NALF1: variants seen among roughly 807,000 people sequenced by gnomAD.
NALF1 encodes the protein NALCN channel auxiliary factor 1, also known as family with sequence similarity 155 member A.
A neutral mutation model predicts 48.4 loss-of-function variants in NALF1; 3 were observed. The ratio of observed to expected loss-of-function variants is 0.06; its 90% CI spans 0.03 to 0.16. The LOEUF (loss-of-function observed/expected upper bound fraction) is 0.16. Ranked by LOEUF, NALF1 falls within the 10% of genes least tolerant of loss-of-function variation. The pLI is 1.00. For synonymous variants in NALF1, 262 were observed against 245.7 expected, an observed-to-expected ratio of 1.07 and a Z score of -0.62; for missense variants, 526 against 571.5, an observed-to-expected ratio of 0.92 and a Z score of 0.81.
At chr13:107,213,927 G>A (rs766454336) in intron 1 of NALF1, among the ~76,000 whole-genome samples, 11 of 152,026 alleles carry the variant, frequency 7.2e-5, no homozygotes, top group Non-Finnish European at 1.6e-4. Flanking sequence ...TGCCAATGAC[G>A]ATGGATTTAA....
In NALF1 at chr13:107,337,205, T is replaced by A. The variant is rs184399780; in HGVS notation, c.916-126450A>T. 2.7e-3 allele frequency among the ~76,000 whole-genome samples: 418 copies of A among 152,092 alleles called. 2 individuals carry two copies. The highest frequency in any genetic ancestry group is 6.8e-3 in the Middle Eastern group (2 of 294). On this transcript the variant is annotated intron_variant, in intron 1 of 2. Coordinates refer to ENST00000375915, the MANE Select transcript of NALF1 (RefSeq NM_001080396.3). The stretch of plus-strand genomic sequence containing the variant: ...AGCCTATAACTGGTTTTTAAAAAGG[T>A]CTGATATTGATTTCCAGTGCTCAGA...
At chr13:107,314,430 T>C (rs548324065) in intron 1 of NALF1, among the ~76,000 whole-genome samples, 1 of 152,090 alleles carries the variant, frequency 6.6e-6, no homozygotes, top group African/African-American at 2.4e-5. Flanking sequence ...CCACTGTCTA[T>C]ACTCCCTGTT....
chr13:107,549,846 T>G (rs1877239716), intron 1 of NALF1, among the ~76,000 whole-genome samples: 1 of 146,526 alleles, frequency 6.8e-6, no homozygotes, highest in African/African-American at 2.6e-5. Flanking sequence ...CAACTTTTCA[T>G]TTTTTTTTTT....
intron 1 of NALF1, among the ~76,000 whole-genome samples, chr13:107,470,101 ATATT>A (rs1347859321): frequency 2.0e-5 from 3 of 152,150 alleles, no homozygotes; most frequent in African/African-American, 4.8e-5. Context: ...TAATAAATCA[ATATT>A]TATAATTGAA....
intron 1 of NALF1, among the ~76,000 whole-genome samples, chr13:107,621,572 T>C (rs1221124445): frequency 6.6e-6 from 1 of 152,222 alleles, no homozygotes; most frequent in Non-Finnish European, 1.5e-5. Context: ...AGCTTTCAAA[T>C]GATTGCGTGA....
intron 1 of NALF1, among the ~76,000 whole-genome samples, chr13:107,855,184 C>A (rs1352089963): frequency 6.6e-6 from 1 of 152,148 alleles, no homozygotes; most frequent in Admixed American, 6.5e-5. Flanking sequence ...ATGCACCAAT[C>A]CCCATTTTAC....
intron 1 of NALF1, among the ~76,000 whole-genome samples, chr13:107,641,156 AC>A (rs1254154922): frequency 6.6e-6 from 1 of 152,192 alleles, no homozygotes; most frequent in East Asian, 1.9e-4. Context: ...TTTTAAGAAC[AC>A]AAAGATAAAA....
intron 1 of NALF1, among the ~76,000 whole-genome samples, chr13:107,584,237 C>A (rs1026531704): frequency 2.0e-5 from 3 of 151,982 alleles, no homozygotes; most frequent in Admixed American, 6.6e-5. Flanking sequence ...TTAATACGTA[C>A]CTGATACACA....
intron 1 of NALF1, among the ~76,000 whole-genome samples, chr13:107,768,955 G>C (rs545983144): frequency 2.0e-5 from 3 of 152,120 alleles, no homozygotes; most frequent in African/African-American, 7.2e-5. Flanking sequence ...ATCATCACTG[G>C]CCATCAGAGA....
chr13:107,456,730 G>T (rs1884830780), intron 1 of NALF1, among the ~76,000 whole-genome samples: 1 of 152,130 alleles, frequency 6.6e-6, no homozygotes, highest in African/African-American at 2.4e-5. Flanking sequence ...TCAATGCTAG[G>T]AAACATGCTG....
intron 1 of NALF1, among the ~76,000 whole-genome samples, chr13:107,700,229 C>T (rs745917087): frequency 7.3e-5 from 11 of 151,684 alleles, no homozygotes; most frequent in Non-Finnish European, 1.2e-4. Context: ...AAGTTGGAGG[C>T]ATCAAAATTC....
At chr13:107,337,810 T>G (rs1882588697) in intron 1 of NALF1, among the ~76,000 whole-genome samples, 1 of 152,128 alleles carries the variant, frequency 6.6e-6, no homozygotes, top group South Asian at 2.1e-4. Flanking sequence ...ACTTCCTAGG[T>G]TGGTTGTTGC....
intron 1 of NALF1, among the ~76,000 whole-genome samples, chr13:107,774,225 G>T (rs1877660975): frequency 6.6e-6 from 1 of 152,130 alleles, no homozygotes; most frequent in African/African-American, 2.4e-5. Context: ...TAGGTGCATA[G>T]GTGTGTTACA....
At chr13:107,671,622 T>C (rs193069826) in intron 1 of NALF1, among the ~76,000 whole-genome samples, 100 of 152,254 alleles carry the variant, frequency 6.6e-4, no homozygotes, top group Admixed American at 6.5e-3. Context: ...TATAAAAACA[T>C]ACTTTAAAAG....
chr13:107,742,386 T>C (rs983369497), intron 1 of NALF1, among the ~76,000 whole-genome samples: 3 of 152,220 alleles, frequency 2.0e-5, no homozygotes, highest in African/African-American at 7.2e-5. Context: ...AATCCCCATG[T>C]GTCCTGGGAA....
intron 1 of NALF1, among the ~76,000 whole-genome samples, chr13:107,321,650 T>C (rs1446606953): frequency 6.6e-6 from 1 of 152,120 alleles, no homozygotes; most frequent in Non-Finnish European, 1.5e-5. Context: ...CTTCCATGGG[T>C]TGTTCCTGGC....
intron 2 of NALF1, among the ~76,000 whole-genome samples, chr13:107,199,938 A>C (rs546763230): frequency 6.6e-6 from 1 of 152,106 alleles, no homozygotes; most frequent in Non-Finnish European, 1.5e-5. Flanking sequence ...CCTGAGTGAC[A>C]CCTCCCACCA....
chr13:107,711,736 T>C (rs1005451775), intron 1 of NALF1, among the ~76,000 whole-genome samples: 3 of 152,214 alleles, frequency 2.0e-5, no homozygotes, highest in African/African-American at 7.2e-5. Context: ...ATGACAACAA[T>C]AGGGTATTCA....
chr13:107,185,496 C>T (rs948251159), intron 2 of NALF1, among the ~76,000 whole-genome samples: 5 of 149,376 alleles, frequency 3.3e-5, no homozygotes, highest in African/African-American at 9.9e-5. Flanking sequence ...TTATCCTACT[C>T]CAGTTAGTTC....
Sources: gnomAD v4.1 joint callset for allele counts (sites outside exome capture counted in the v4.1 genomes callset) on GRCh38, gnomAD v4.1.1 for gene constraint, MANE v1.5 for transcripts, NCBI Gene and HGNC (gene_info 2026-07-23, HGNC 2026-07-21) for gene names.